The following WIPI1 variants were observed in gnomAD, a reference collection of about 807,000 sequenced individuals.
WIPI1 encodes WD repeat domain phosphoinositide-interacting protein 1.
Under a neutral mutation model 55.3 loss-of-function variants are expected in WIPI1, and 45 were observed. The ratio of observed to expected loss-of-function variants is 0.81; its 90% CI spans 0.64 to 1.04. The LOEUF (loss-of-function observed/expected upper bound fraction) is 1.04, where lower values mean the gene tolerates loss of function less well. Among genes scored for constraint, WIPI1 ranks in the 50% least tolerant of loss-of-function variants. WIPI1 has a pLI of 0.00. For synonymous variants in WIPI1, 195 were observed against 217.6 expected (o/e 0.90, Z 0.92); for missense variants, 445 against 559.0 (o/e 0.80, Z 2.06).
In WIPI1 at chr17:68,452,032, CT is replaced by C. The variant is rs569362574; in HGVS notation, c.163+877del. Among the ~76,000 whole-genome samples, 77 of 152,248 alleles carry C rather than the reference CT, an allele frequency of 5.1e-4. 2 individuals carry two copies. The highest frequency in any genetic ancestry group is 1.8e-3 in the African/African-American group (73 of 41,540). ...GCCCAAAATATTATTTACTGAACCA[CT>C]TTTTTTCCAGGAAACTGAAAGGTTG... is the stretch of plus-strand genomic sequence containing the variant. On this transcript the variant is annotated intron_variant, in intron 2 of 12. Transcript: ENST00000262139.
chr17:68,449,463 T>G (rs1443594236), intron 3 of WIPI1, among the ~76,000 whole-genome samples: 1 of 152,146 alleles, frequency 6.6e-6, no homozygotes, highest in East Asian at 1.9e-4. Flanking sequence ...TGTAATATGA[T>G]TCAGATCAGT....
intron 11 of WIPI1, 63 bp from the exon 12 acceptor site, chr17:68,426,238 C>CGGTGGGGGGGGGGGGGGGGG: frequency 1.6e-6 from 1 of 615,202 alleles, no homozygotes; most frequent in Non-Finnish European, 2.3e-6. Context: ...CATGACCTGG[C>CGGTGGGGGGGGGGGGGGGGG]GGGTGGGGAG....
At chr17:68,440,260 T>A (rs2084019353) in intron 4 of WIPI1, among the ~76,000 whole-genome samples, 1 of 152,204 alleles carries the variant, frequency 6.6e-6, no homozygotes, top group Non-Finnish European at 1.5e-5. Context: ...GACTTCCCTA[T>A]GGCCCAAGTG....
At position 68,430,333 on chromosome 17, in the gene WIPI1, C is replaced by A. The variant is rs1218469194; in HGVS notation, c.801-173G>T. 4.6e-5 allele frequency among the ~76,000 whole-genome samples: 7 copies of A among 152,148 alleles called. No homozygotes were observed. In the South Asian group the frequency reaches 1.0e-3, roughly 23 times the overall value. On this transcript the variant is annotated intron_variant, in intron 8 of 12. Transcript: ENST00000262139. ...CCAGGACGTATTATTCTGGCAATAACTAAAGAGCATCAAGGGCTTGTTTGT... is the reference window on the plus strand; with the variant it reads ...CCAGGACGTATTATTCTGGCAATAAATAAAGAGCATCAAGGGCTTGTTTGT...
rs746023099 is a variant in WIPI1, at chr17:68,426,060, G to T, written c.1293+15C>A. 6.2e-7 allele frequency: 1 copy of T among 1,610,762 alleles called. No homozygotes were observed. On this transcript the variant is annotated intron_variant, in intron 12 of 12. Coordinates refer to ENST00000262139, the MANE Select transcript of WIPI1 (RefSeq NM_017983.7). ...CACAGACTGAGCCGCCCAGTTACGG[G>T]TTCCTAATGCTCACAGGAGGAAACT...
intron 2 of WIPI1, among the ~76,000 whole-genome samples, chr17:68,452,264 GC>G (rs1482505399): frequency 3.3e-5 from 5 of 152,158 alleles, no homozygotes; most frequent in Admixed American, 6.5e-5. Flanking sequence ...CAATATAATG[GC>G]AAAAATAAGT....
At chr17:68,433,776 T>G (rs966317719) in intron 7 of WIPI1, among the ~76,000 whole-genome samples, 53 of 63,134 alleles carry the variant, frequency 8.4e-4, no homozygotes, top group African/African-American at 2.2e-3. Context: ...TTTTTTTTTT[T>G]TTTTTTTTTT....
At chr17:68,450,696 G>A (rs1157702784) in intron 3 of WIPI1, 32 bp downstream of exon 3, 1 of 1,577,620 alleles carries the variant, frequency 6.3e-7, no homozygotes. Flanking sequence ...GTTAGCAGAA[G>A]CTTTGAAACC....
In WIPI1 at chr17:68,450,735, T is replaced by G; in HGVS notation, c.326A>C (p.Asn109Thr). 1 of 1,610,500 alleles carries G rather than the reference T, an allele frequency of 6.2e-7. No individual in the cohort carries two copies. Among genetic ancestry groups the G allele is most frequent in the Non-Finnish European group, 8.5e-7 (1 of 1,178,586 alleles). ...AGGGATTTCCCCACTTACTTGCCGG[T>G]TCAGCCTTATGGACAAGATGTTGCT... ...YSSNILSIRLNRQRLLVCLEE... is the reference protein window; with the variant it reads ...YSSNILSIRLTRQRLLVCLEE... The change falls in exon 3 of 13, where the codon AAC (asparagine) becomes ACC (threonine). Residue 109 changes from asparagine (N) to threonine (T), a missense_variant. Transcript: ENST00000262139.
At chr17:68,452,424 G>C (rs2084532324) in intron 2 of WIPI1, among the ~76,000 whole-genome samples, 2 of 152,298 alleles carry the variant, frequency 1.3e-5, no homozygotes, top group East Asian at 3.9e-4. Flanking sequence ...AATTAGCTGG[G>C]TTTGGTGGCA....
chr17:68,435,589 C>T, intron 6 of WIPI1, 31 bp downstream of exon 6: 1 of 1,609,564 alleles, frequency 6.2e-7, no homozygotes. Context: ...CAGCGAAACC[C>T]AGACAGAGGT....
intron 4 of WIPI1, chr17:68,441,238 A>C (rs1166093124): frequency 6.6e-6 from 1 of 152,266 alleles, no homozygotes; most frequent in Admixed American, 6.5e-5. Context: ...TAAAGGAAAC[A>C]GCCTGCAATC....
intron 9 of WIPI1, among the ~76,000 whole-genome samples, chr17:68,429,145 A>G (rs1394995298): frequency 2.0e-5 from 3 of 152,140 alleles, no homozygotes; most frequent in African/African-American, 7.2e-5. Flanking sequence ...TTTGAACGTG[A>G]CAGTGTGGAT....
intron 10 of WIPI1, 160 bp from the exon 11 acceptor site, chr17:68,427,413 G>A: frequency 1.9e-6 from 1 of 529,798 alleles, no homozygotes. Context: ...CTGGAGTGCA[G>A]TGGCGCAATC....
At chr17:68,427,017 G>A (rs1206808471) in intron 11 of WIPI1, 118 bp downstream of exon 11, 1 of 810,902 alleles carries the variant, frequency 1.2e-6, no homozygotes, top group Non-Finnish European at 2.0e-6. Context: ...GGGGGAAGGG[G>A]AGGGAGGGCA....
chr17:68,456,152 G>C (rs1301488999), intron 1 of WIPI1, among the ~76,000 whole-genome samples: 1 of 152,158 alleles, frequency 6.6e-6, no homozygotes, highest in Non-Finnish European at 1.5e-5. Context: ...TGTGGATTGT[G>C]GTCAAGAAAA....
At chr17:68,438,779 T>G (rs2083944955) in intron 4 of WIPI1, among the ~76,000 whole-genome samples, 1 of 152,212 alleles carries the variant, frequency 6.6e-6, no homozygotes, top group East Asian at 1.9e-4. Context: ...TTTTGTATTT[T>G]CAGTAGAGAC....
In WIPI1 at chr17:68,448,288, C is replaced by T. The variant is rs983083098; in HGVS notation, c.333+2440G>A. 19 of 152,260 alleles carry T rather than the reference C, an allele frequency of 1.2e-4. 1 individual carries two copies. The highest frequency in any genetic ancestry group is 9.8e-4 in the Admixed American group (15 of 15,274). The allele number at this position is 152,260 out of a possible 1,614,324, so 9.4% of individuals were successfully genotyped here. On this transcript the variant is annotated intron_variant, in intron 3 of 12. Transcript: ENST00000262139. ...CTGAAAGTTTTAAGAAAAGCAAACC[C>T]CCAATACTTCCCAGACCTGTTTCAA...
intron 11 of WIPI1, 35 bp downstream of exon 11, chr17:68,427,100 G>T: frequency 6.4e-7 from 1 of 1,552,324 alleles, no homozygotes; most frequent in Non-Finnish European, 8.9e-7. Context: ...GGTCACTGTT[G>T]GAGATGCTCC....
Sources: gnomAD v4.1 joint callset for allele counts (sites outside exome capture counted in the v4.1 genomes callset) on GRCh38, gnomAD v4.1.1 for gene constraint, MANE v1.5 for transcripts, NCBI Gene and HGNC (gene_info 2026-07-23, HGNC 2026-07-21) for gene names.